Variants in LHFPL6 observed in about 807,000 individuals in gnomAD.
LHFPL6 encodes the protein LHFPL tetraspan subfamily member 6, also known as LHFPL tetraspan subfamily member 6 protein.
LHFPL6 carries 9 observed loss-of-function variants against 20.6 expected under a neutral mutation model. That is an observed-to-expected ratio of 0.44 (90% CI 0.26 to 0.76). LHFPL6 has a LOEUF of 0.76. Among genes scored for constraint, LHFPL6 ranks in the 30% least tolerant of loss-of-function variants. LHFPL6 has a pLI of 0.20. For missense variants in LHFPL6, 218 were observed against 253.5 expected, an observed-to-expected ratio of 0.86 and a Z score of 0.95; for synonymous variants, 105 against 98.7, an observed-to-expected ratio of 1.06 and a Z score of -0.38.
chr13:39,561,550 A>T (rs182385192), intron 2 of LHFPL6, among the ~76,000 whole-genome samples: 116 of 152,100 alleles, frequency 7.6e-4, no homozygotes, highest in African/African-American at 2.6e-3. Flanking sequence ...GCAGCCTCAA[A>T]CTCCTGGGCT....
chr13:39,437,685 C>T (rs927147501), intron 2 of LHFPL6, among the ~76,000 whole-genome samples: 2 of 152,148 alleles, frequency 1.3e-5, no homozygotes, highest in Admixed American at 1.3e-4. Flanking sequence ...GGGCGGATCA[C>T]GAGGTCAGGA....
At chr13:39,509,844 C>CTA (rs1869626226) in intron 2 of LHFPL6, among the ~76,000 whole-genome samples, 4 of 152,118 alleles carry the variant, frequency 2.6e-5, no homozygotes, top group African/African-American at 9.7e-5. Context: ...CCTGTAGTCC[C>CTA]AGCTACTTGG....
At chr13:39,597,702 C>T (rs963974930) in intron 2 of LHFPL6, among the ~76,000 whole-genome samples, 19 of 152,084 alleles carry the variant, frequency 1.2e-4, no homozygotes, top group African/African-American at 4.6e-4. Context: ...TACAGATTAC[C>T]ACAGGAAAAG....
chr13:39,392,354 G>A (rs60354480), intron 2 of LHFPL6, among the ~76,000 whole-genome samples: 7,425 of 152,282 alleles, frequency 0.049, 184 homozygotes, highest in Middle Eastern at 0.071. Flanking sequence ...CAGCACTTTG[G>A]AAGGCCAAGG....
chr13:39,470,883 C>A (rs1566118904), intron 2 of LHFPL6, among the ~76,000 whole-genome samples: 1 of 152,224 alleles, frequency 6.6e-6, no homozygotes, highest in Non-Finnish European at 1.5e-5. Context: ...GGCCCATCAT[C>A]ACCGTGGTTA....
chr13:39,412,682 T>C (rs891574402), intron 2 of LHFPL6, among the ~76,000 whole-genome samples: 5 of 152,176 alleles, frequency 3.3e-5, no homozygotes, highest in African/African-American at 1.2e-4. Context: ...CCCAGCACTT[T>C]GGGAGGCCAA....
At chr13:39,568,053 G>A (rs1344820485) in intron 2 of LHFPL6, among the ~76,000 whole-genome samples, 2 of 152,170 alleles carry the variant, frequency 1.3e-5, no homozygotes, top group African/African-American at 4.8e-5. Flanking sequence ...AGTGGTCTTA[G>A]TTACTTCATT....
At chr13:39,572,655 C>T (rs1424868707) in intron 2 of LHFPL6, among the ~76,000 whole-genome samples, 1 of 152,166 alleles carries the variant, frequency 6.6e-6, no homozygotes, top group East Asian at 1.9e-4. Flanking sequence ...GGTTCTGTGT[C>T]TCCTCCACTC....
intron 2 of LHFPL6, among the ~76,000 whole-genome samples, chr13:39,569,144 T>TGGACGGACGGACGGACGGAC (rs1566143962): frequency 3.4e-5 from 1 of 29,842 alleles, no homozygotes; most frequent in Admixed American, 3.1e-4. Flanking sequence ...GATGGATGGA[T>TGGACGGACGGACGGACGGAC]GGATGGACGG....
In LHFPL6 at chr13:39,343,414, C is replaced by T. The variant is rs1309316811; in HGVS notation, c.*522G>A. ...GCGATAATCCACGTTTGTGCATAGG[C>T]GTGTGTGGGGATGCATATGTCTGTA... On this transcript the variant is annotated 3_prime_UTR_variant, in exon 4 of 4. Transcript: ENST00000379589. 2.6e-5 allele frequency: 6 copies of T among 232,060 alleles called. No homozygotes were observed. The highest frequency in any genetic ancestry group is 6.1e-5 in the East Asian group (1 of 16,376). 14.4% of individuals were successfully genotyped at this position (232,060 alleles called of 1,614,324 possible). A position where few individuals can be genotyped will look rare whatever the true frequency, so the allele number is the denominator to read the frequency against.
At chr13:39,602,617 C>T (rs1593381761) in intron 1 of LHFPL6, among the ~76,000 whole-genome samples, 1 of 136,500 alleles carries the variant, frequency 7.3e-6, no homozygotes, top group Admixed American at 6.9e-5. Context: ...CCCATGGAGA[C>T]ACACAATGAT....
chr13:39,499,599 C>G (rs1029190347), intron 2 of LHFPL6, among the ~76,000 whole-genome samples: 1 of 152,220 alleles, frequency 6.6e-6, no homozygotes, highest in Admixed American at 6.5e-5. Flanking sequence ...CCTGGTCTAG[C>G]CTGTCTGAAA....
chr13:39,449,427 A>C (rs1872382891), intron 2 of LHFPL6, among the ~76,000 whole-genome samples: 1 of 152,220 alleles, frequency 6.6e-6, no homozygotes, highest in Non-Finnish European at 1.5e-5. Flanking sequence ...AATATGAAAA[A>C]GTAGTATTGA....
chr13:39,576,032 A>C (rs1213273910), intron 2 of LHFPL6, among the ~76,000 whole-genome samples: 3 of 152,170 alleles, frequency 2.0e-5, no homozygotes, highest in Non-Finnish European at 2.9e-5. Context: ...ATTCAATTTT[A>C]CTTGTAAACG....
At chr13:39,510,768 T>C (rs746566821) in intron 2 of LHFPL6, among the ~76,000 whole-genome samples, 1 of 151,924 alleles carries the variant, frequency 6.6e-6, no homozygotes, top group Non-Finnish European at 1.5e-5. Context: ...AAAAGTTATA[T>C]AAAACAAAAT....
intron 3 of LHFPL6, among the ~76,000 whole-genome samples, chr13:39,346,815 A>G (rs1869411982): frequency 1.3e-5 from 2 of 152,306 alleles, no homozygotes; most frequent in Admixed American, 1.3e-4. Flanking sequence ...ACTTGAGGTC[A>G]GGAGTTCAAG....
chr13:39,344,853 T>C (rs1281318893), intron 3 of LHFPL6, among the ~76,000 whole-genome samples: 1 of 152,232 alleles, frequency 6.6e-6, no homozygotes, highest in Non-Finnish European at 1.5e-5. Context: ...CCCATAGTCA[T>C]ATGCTTATAA....
chr13:39,533,164 G>A (rs1474569893), intron 2 of LHFPL6, among the ~76,000 whole-genome samples: 3 of 152,214 alleles, frequency 2.0e-5, no homozygotes, highest in Non-Finnish European at 4.4e-5. Context: ...GATTCCAGAA[G>A]ATAGTTAAAA....
Position 39,505,133 on chromosome 13 carries a change from C to T in LHFPL6, c.385+95699G>A, listed in dbSNP as rs139267720. ...ATTCTTCTCTGGGAATTGATGCAAA[C>T]GCAAAAGAGAAAGGAAGGGAGGACC... On this transcript the variant is annotated intron_variant, in intron 2 of 3. Coordinates refer to ENST00000379589, the MANE Select transcript of LHFPL6 (RefSeq NM_005780.3). 3.7e-4 allele frequency among the ~76,000 whole-genome samples: 56 copies of T among 152,056 alleles called. No individual in the cohort carries two copies. In the East Asian group the frequency reaches 8.3e-3, roughly 23 times the overall value.
Sources: gnomAD v4.1 joint callset for allele counts (sites outside exome capture counted in the v4.1 genomes callset) on GRCh38, gnomAD v4.1.1 for gene constraint, MANE v1.5 for transcripts, NCBI Gene and HGNC (gene_info 2026-07-23, HGNC 2026-07-21) for gene names.